The following TBC1D4 variants were observed in gnomAD, a reference collection of about 807,000 sequenced individuals.
TBC1D4 encodes TBC1 domain family member 4.
Under a neutral mutation model 142.5 loss-of-function variants are expected in TBC1D4, and 121 were observed. That is an observed-to-expected ratio of 0.85 (90% confidence interval 0.73 to 0.99). The LOEUF is 0.99. TBC1D4 is among the 50% of genes least tolerant of loss of function. The pLI, the probability that TBC1D4 is intolerant of heterozygous loss-of-function variation, is 0.00. For missense variants in TBC1D4, 1,475 were observed against 1,606.6 expected (o/e 0.92, Z 1.40); for synonymous variants, 630 against 628.2 (o/e 1.00, Z -0.04).
chr13:75,408,949 C>G (rs1885466849), intron 1 of TBC1D4, among the ~76,000 whole-genome samples: 1 of 151,954 alleles, frequency 6.6e-6, no homozygotes, highest in Admixed American at 6.6e-5. Context: ...AAATTCTGTA[C>G]ATGTTCTGTT....
Position 75,326,185 on chromosome 13 carries a change from G to A in TBC1D4, c.2033+12C>T. 1 of 1,613,684 alleles carries A rather than the reference G, an allele frequency of 6.2e-7. No individual in the cohort carries two copies. Among genetic ancestry groups the A allele is most frequent in the Non-Finnish European group, 8.5e-7 (1 of 1,179,748 alleles). On this transcript the variant is annotated intron_variant, in intron 10 of 20. Transcript: ENST00000377636. ...AGAATCTAGGTCTCATTCTGGAGAG[G>A]GTCAGACTCACCTGCACTGTTCACT...
intron 1 of TBC1D4, among the ~76,000 whole-genome samples, chr13:75,467,125 T>G (rs1888201728): frequency 6.6e-6 from 1 of 152,178 alleles, no homozygotes; most frequent in African/African-American, 2.4e-5. Context: ...CTCAAATCAA[T>G]GCTAACAAGT....
intron 1 of TBC1D4, among the ~76,000 whole-genome samples, chr13:75,398,206 G>A (rs76738897): frequency 0.037 from 5,587 of 152,284 alleles, 133 homozygotes; most frequent in Non-Finnish European, 0.058. Context: ...AAATTGCAGG[G>A]TACTAAGTAT....
At chr13:75,304,438 G>C (rs899015278) in intron 15 of TBC1D4, among the ~76,000 whole-genome samples, 2 of 152,146 alleles carry the variant, frequency 1.3e-5, no homozygotes, top group Non-Finnish European at 2.9e-5. Flanking sequence ...ATCTAGTAAT[G>C]AGTGCAAGAT....
At chr13:75,416,758 T>C (rs952498214) in intron 1 of TBC1D4, among the ~76,000 whole-genome samples, 2 of 152,178 alleles carry the variant, frequency 1.3e-5, no homozygotes, top group Non-Finnish European at 2.9e-5. Context: ...ACCCAGTCTA[T>C]GTAATAACCA....
At chr13:75,406,733 G>A (rs1353541413) in intron 1 of TBC1D4, among the ~76,000 whole-genome samples, 1 of 152,140 alleles carries the variant, frequency 6.6e-6, no homozygotes, top group African/African-American at 2.4e-5. Flanking sequence ...GAAAGATCAG[G>A]CAGTTCCCTC....
chr13:75,318,102 G>C (rs1225841544), intron 12 of TBC1D4, among the ~76,000 whole-genome samples: 1 of 152,154 alleles, frequency 6.6e-6, no homozygotes, highest in Non-Finnish European at 1.5e-5. Flanking sequence ...TGCTTTAAAA[G>C]AATTCATTGA....
chr13:75,392,218 G>A (rs1479863664), intron 1 of TBC1D4, among the ~76,000 whole-genome samples: 1 of 152,116 alleles, frequency 6.6e-6, no homozygotes, highest in Non-Finnish European at 1.5e-5. Flanking sequence ...CCAAAAGGCC[G>A]TATTTTAAAA....
chr13:75,437,427 A>ATG (rs1491569880), intron 1 of TBC1D4, among the ~76,000 whole-genome samples: 2 of 151,962 alleles, frequency 1.3e-5, no homozygotes, highest in Non-Finnish European at 2.9e-5. Context: ...TGAATGTAAC[A>ATG]TGTGAGTCAA....
At chr13:75,403,531 C>A (rs1885198210) in intron 1 of TBC1D4, among the ~76,000 whole-genome samples, 1 of 151,878 alleles carries the variant, frequency 6.6e-6, no homozygotes. Context: ...GTTAAACAAC[C>A]CCAACATTTC....
At chr13:75,307,171 A>C (rs149297470) in intron 14 of TBC1D4, among the ~76,000 whole-genome samples, 2,194 of 152,280 alleles carry the variant, frequency 0.014, 51 homozygotes, top group African/African-American at 0.049. Flanking sequence ...TATGCTGCCC[A>C]GGCTGGTCTT....
intron 1 of TBC1D4, among the ~76,000 whole-genome samples, chr13:75,448,941 C>G (rs1887412269): frequency 6.6e-6 from 1 of 151,974 alleles, no homozygotes; most frequent in South Asian, 2.1e-4. Context: ...AAAAGCTGCT[C>G]CAGTTATTGC....
At chr13:75,411,647 T>TTA (rs1379483131) in intron 1 of TBC1D4, among the ~76,000 whole-genome samples, 1 of 152,022 alleles carries the variant, frequency 6.6e-6, no homozygotes, top group Non-Finnish European at 1.5e-5. Flanking sequence ...TGCCTCAGCC[T>TTA]CCCAAGTAGC....
At chr13:75,339,464 C>T (rs191166392) in intron 7 of TBC1D4, among the ~76,000 whole-genome samples, 1 of 152,162 alleles carries the variant, frequency 6.6e-6, no homozygotes, top group African/African-American at 2.4e-5. Context: ...TCTCATTCTG[C>T]CTATCATCCC....
intron 2 of TBC1D4, among the ~76,000 whole-genome samples, chr13:75,361,782 C>G (rs1882539990): frequency 6.6e-6 from 1 of 152,078 alleles, no homozygotes; most frequent in South Asian, 2.1e-4. Flanking sequence ...CTACGAATTG[C>G]TTCCTCCTCC....
chr13:75,310,854 T>C (rs1455326100), intron 13 of TBC1D4, among the ~76,000 whole-genome samples: 2 of 152,166 alleles, frequency 1.3e-5, no homozygotes, highest in Non-Finnish European at 2.9e-5. Context: ...TCTTTGTTTC[T>C]ATGTGTACTC....
chr13:75,361,714 C>T (rs1383354303), intron 2 of TBC1D4, among the ~76,000 whole-genome samples: 1 of 152,146 alleles, frequency 6.6e-6, no homozygotes, highest in Non-Finnish European at 1.5e-5. Context: ...TTGAGAATCA[C>T]CCCAAGGCAA....
intron 1 of TBC1D4, among the ~76,000 whole-genome samples, chr13:75,475,117 C>A (rs540253926): frequency 1.3e-5 from 2 of 152,302 alleles, no homozygotes; most frequent in East Asian, 3.9e-4. Flanking sequence ...CATTAAGGAG[C>A]TACTCAGACA....
At chr13:75,433,833 C>G (rs940047347) in intron 1 of TBC1D4, among the ~76,000 whole-genome samples, 1 of 151,932 alleles carries the variant, frequency 6.6e-6, no homozygotes, top group African/African-American at 2.4e-5. Flanking sequence ...GAAAAACAAC[C>G]CCTTTAAAAA....
Sources: allele counts gnomAD v4.1 joint callset (sites outside exome capture counted in the v4.1 genomes callset), GRCh38; gene constraint gnomAD v4.1.1; transcripts MANE v1.5; gene names NCBI Gene and HGNC (gene_info 2026-07-23, HGNC 2026-07-21).